TBL1X: variants seen among roughly 807,000 people sequenced by gnomAD.
TBL1X encodes the protein F-box-like/WD repeat-containing protein TBL1X.
TBL1X carries 10 observed loss-of-function variants against 50.7 expected under a neutral mutation model. The observed-to-expected ratio is 0.20, with a 90% confidence interval of 0.12 to 0.33. The LOEUF (loss-of-function observed/expected upper bound fraction) is 0.33. Among genes scored for constraint, TBL1X ranks in the 10% least tolerant of loss-of-function variants. The pLI is 1.00. For synonymous variants in TBL1X, 190 were observed against 214.7 expected (o/e 0.88, Z 1.01); for missense variants, 340 against 504.4 (o/e 0.67, Z 3.12).
intron 2 of TBL1X, among the ~76,000 whole-genome samples, chrX:9,628,424 A>G (rs1482307813): frequency 1.8e-5 from 2 of 111,870 alleles, no homozygotes; most frequent in Non-Finnish European, 3.8e-5. Context: ...CAATATAAAC[A>G]TGCATTACTT....
At chrX:9,504,413 C>G (rs144607927) in intron 2 of TBL1X, among the ~76,000 whole-genome samples, 62 of 112,233 alleles carry the variant, frequency 5.5e-4, no homozygotes, top group African/African-American at 2.0e-3. Flanking sequence ...ATTACAACAT[C>G]TCTCCATCAA....
At chrX:9,600,616 G>T (rs1448145244) in intron 2 of TBL1X, among the ~76,000 whole-genome samples, 2 of 111,579 alleles carry the variant, frequency 1.8e-5, no homozygotes, top group Non-Finnish European at 3.8e-5. Context: ...AGTTGGTTCT[G>T]AAAATCCTTG....
In TBL1X at chrX:9,653,595, G is replaced by C. The variant is rs2082848235; in HGVS notation, c.9G>C (p.Glu3Asp). 6 of 1,169,409 alleles carry C rather than the reference G, an allele frequency of 5.1e-6. No homozygotes were observed. Among genetic ancestry groups the C allele is most frequent in the Non-Finnish European group, 6.9e-6 (6 of 873,757 alleles). The change falls in exon 4 of 18, where the codon GAG (glutamate) becomes GAC (aspartate). Residue 3 changes from glutamate to aspartate, a missense_variant. By Grantham distance (45) the Glu-to-Asp change is conservative (BLOSUM62 2). Around this residue, in one of 6 missense-constraint regions of TBL1X, gnomAD observed 41 missense variants for 48.6 expected, o/e 0.84. Transcript: ENST00000645353. MTELAGASSSCCH... is the reference protein window; with the variant it reads MTDLAGASSSCCH... ...TCGAGGTGACATGTAGCATGACCGA[G>C]CTCGCTGGCGCCTCTTCATCGTGCT...
chrX:9,616,791 T>A (rs997871171), intron 2 of TBL1X, among the ~76,000 whole-genome samples: 8 of 111,923 alleles, frequency 7.1e-5, no homozygotes, highest in African/African-American at 2.6e-4. Flanking sequence ...CCTCAGTGTA[T>A]GGGTTCTGAA....
intron 12 of TBL1X, among the ~76,000 whole-genome samples, chrX:9,701,549 C>G (rs1391522194): frequency 1.5e-5 from 1 of 68,421 alleles, no homozygotes; most frequent in African/African-American, 6.9e-5. Flanking sequence ...TACGCTAACA[C>G]TAACAATAGC....
In TBL1X at chrX:9,615,407, C is replaced by G. The variant is rs185504033; in HGVS notation, c.-130-24866C>G. On this transcript the variant is annotated intron_variant, in intron 2 of 17. Coordinates refer to ENST00000645353, the MANE Select transcript of TBL1X (RefSeq NM_005647.4). ...AAAGATAAAGGGGAAGAAGGAATAA[C>G]AATAGACAAAGAGATTCCACCCTAG... Among the ~76,000 whole-genome samples the G allele has an allele frequency of 4.5e-5, 5 of 111,905 alleles. No individual in the cohort carries two copies. The East Asian group carries it at 1.4e-3, about 31-fold the overall frequency.
Position 9,716,264 on chromosome X carries a change from A to G in TBL1X, c.*18A>G, listed in dbSNP as rs1209247598. 2 of 1,205,247 alleles carry G rather than the reference A, an allele frequency of 1.7e-6. No homozygotes were observed. Among genetic ancestry groups the G allele is most frequent in the Admixed American group, 2.2e-5 (1 of 45,847 alleles). On this transcript the variant is annotated 3_prime_UTR_variant, in exon 18 of 18. Coordinates refer to ENST00000645353, the MANE Select transcript of TBL1X (RefSeq NM_005647.4). ...GGAAGTAACCACAAAATATTATCGA[A>G]AAAAGAAAAGAATTCTAATGACCAG...
At chrX:9,687,407 C>G (rs1328528601) in intron 6 of TBL1X, among the ~76,000 whole-genome samples, 1 of 112,038 alleles carries the variant, frequency 8.9e-6, no homozygotes, top group Non-Finnish European at 1.9e-5. Flanking sequence ...GGCTCTGCTT[C>G]TGAAGCGTTA....
At chrX:9,648,695 A>G (rs956381772) in intron 3 of TBL1X, among the ~76,000 whole-genome samples, 1 of 112,419 alleles carries the variant, frequency 8.9e-6, no homozygotes, top group Non-Finnish European at 1.9e-5. Flanking sequence ...ACGGCACACC[A>G]GTGTGCCATC....
At chrX:9,517,126 A>G (rs2082084221) in intron 2 of TBL1X, among the ~76,000 whole-genome samples, 1 of 111,374 alleles carries the variant, frequency 9.0e-6, no homozygotes, top group African/African-American at 3.3e-5. Flanking sequence ...ATAGTCAGAT[A>G]GGGCCGGAGA....
intron 2 of TBL1X, among the ~76,000 whole-genome samples, chrX:9,513,981 G>C (rs1601725715): frequency 9.1e-6 from 1 of 109,791 alleles, no homozygotes; most frequent in African/African-American, 3.3e-5. Context: ...AACTCACTCA[G>C]TACCAGGGGG....
chrX:9,608,869 C>T (rs996290603), intron 2 of TBL1X, among the ~76,000 whole-genome samples: 1 of 112,032 alleles, frequency 8.9e-6, no homozygotes, highest in Non-Finnish European at 1.9e-5. Flanking sequence ...AGCAGCTGCC[C>T]GCCTTGGTCA....
At chrX:9,609,411 GGTGTGTGT>G (rs749352901) in intron 2 of TBL1X, among the ~76,000 whole-genome samples, 2 of 97,801 alleles carry the variant, frequency 2.0e-5, no homozygotes, top group Non-Finnish European at 4.1e-5. Context: ...TCCAGGTAGG[GGTGTGTGT>G]GTGTGTGTGT....
At chrX:9,552,556 C>T (rs1052853596) in intron 2 of TBL1X, among the ~76,000 whole-genome samples, 2 of 111,373 alleles carry the variant, frequency 1.8e-5, no homozygotes, top group Admixed American at 9.6e-5. Flanking sequence ...CTTGTGAGTA[C>T]AGAGTCCTAA....
chrX:9,502,657 A>G (rs1900260160), intron 2 of TBL1X, among the ~76,000 whole-genome samples: 1 of 112,583 alleles, frequency 8.9e-6, no homozygotes, highest in African/African-American at 3.2e-5. Context: ...GTGGATGTAA[A>G]CACATAGTAA....
intron 7 of TBL1X, among the ~76,000 whole-genome samples, chrX:9,690,044 T>C (rs1220779233): frequency 1.8e-5 from 2 of 112,399 alleles, no homozygotes; most frequent in Non-Finnish European, 3.8e-5. Context: ...GAAAGACATA[T>C]GACAAAGCAT....
chrX:9,677,303 G>A (rs2083000234), intron 5 of TBL1X, among the ~76,000 whole-genome samples: 1 of 110,770 alleles, frequency 9.0e-6, no homozygotes, highest in Non-Finnish European at 1.9e-5. Context: ...GTCAGCATTT[G>A]CAGAAACAAA....
At chrX:9,687,467 T>C (rs1453306084) in intron 6 of TBL1X, among the ~76,000 whole-genome samples, 2 of 111,377 alleles carry the variant, frequency 1.8e-5, no homozygotes, top group Non-Finnish European at 3.8e-5. Flanking sequence ...ACAGTCGCGA[T>C]AGCACGTGGG....
intron 2 of TBL1X, among the ~76,000 whole-genome samples, chrX:9,580,779 G>C (rs1156593605): frequency 1.8e-5 from 2 of 111,686 alleles, no homozygotes; most frequent in East Asian, 5.6e-4. Context: ...GGTTGAAAGA[G>C]TCATTACCAA....
Sources: allele counts gnomAD v4.1 joint callset (sites outside exome capture counted in the v4.1 genomes callset), GRCh38; gene constraint gnomAD v4.1.1; regional missense constraint gnomAD v4.1.1; transcripts MANE v1.5; gene names NCBI Gene and HGNC (gene_info 2026-07-23, HGNC 2026-07-21).